The following SORT1 variants were observed in gnomAD, a reference collection of about 807,000 sequenced individuals.
SORT1 encodes sortilin 1.
A neutral mutation model predicts 101.7 loss-of-function variants in SORT1; 39 were observed. The observed-to-expected ratio is 0.38, with a 90% confidence interval of 0.30 to 0.50. SORT1 has a LOEUF of 0.50. SORT1 is among the 20% of genes least tolerant of loss of function. The probability of loss-of-function intolerance (pLI) is 0.90; values close to 1 mark genes in which losing one functional copy is unlikely to be tolerated. For synonymous variants in SORT1, 396 were observed against 393.7 expected (o/e 1.01, Z -0.07); for missense variants, 878 against 1,040.4 (o/e 0.84, Z 2.15).
At chr1:109,385,258 A>C (rs978893192) in intron 1 of SORT1, among the ~76,000 whole-genome samples, 1 of 152,080 alleles carries the variant, frequency 6.6e-6, no homozygotes, top group African/African-American at 2.4e-5. Flanking sequence ...CTAAAACATG[A>C]ATTTGGGGAG....
rs75185340 is a variant in SORT1, at chr1:109,377,506, C to T, written c.307-7917G>A. ...AGCGTTTATTCCTATGCTCTTCCAGCCAGCCAAGACACTGTTATACACTGG... is the reference window on the plus strand; with the variant it reads ...AGCGTTTATTCCTATGCTCTTCCAGTCAGCCAAGACACTGTTATACACTGG... On this transcript the variant is annotated intron_variant, in intron 1 of 19. Transcript: ENST00000256637. Among the ~76,000 whole-genome samples the T allele has an allele frequency of 4.5e-3, 686 of 152,288 alleles. 5 individuals are homozygous for T. Among genetic ancestry groups the T allele is most frequent in the African/African-American group, 0.016 (665 of 41,548 alleles).
At chr1:109,369,775 C>G (rs183875991) in intron 1 of SORT1, among the ~76,000 whole-genome samples, 186 bp from the exon 2 acceptor site, 318 of 152,164 alleles carry the variant, frequency 2.1e-3, no homozygotes, top group Non-Finnish European at 3.8e-3. Context: ...TCACAAATAA[C>G]TTGGAAATTT....
At position 109,367,384 on chromosome 1, in the gene SORT1, T is replaced by TC. The variant is rs774476499; in HGVS notation, c.440+23dup. On this transcript the variant is annotated intron_variant, in intron 3 of 19. Coordinates refer to ENST00000256637, the MANE Select transcript of SORT1 (RefSeq NM_002959.7). ...TTCTCAATGTTACTTAGTGAAATGC[T>TC]CCAACGCGTGTTATTGATCTCACCT... The TC allele has an allele frequency of 1.2e-5, 16 of 1,378,532 alleles. No individual in the cohort carries two copies. In the Admixed American group the frequency reaches 2.9e-4, roughly 25 times the overall value. The allele number at this position is 1,378,532 out of a possible 1,614,324, so 85.4% of individuals were successfully genotyped here.
At chr1:109,326,920 C>T (rs1648117401) in intron 13 of SORT1, 72 bp downstream of exon 13, 1 of 1,165,692 alleles carries the variant, frequency 8.6e-7, no homozygotes, top group Non-Finnish European at 1.2e-6. Flanking sequence ...TAACATCCCC[C>T]CAATAAACTG....
chr1:109,391,834 C>G (rs1652932593), intron 1 of SORT1, among the ~76,000 whole-genome samples: 1 of 152,210 alleles, frequency 6.6e-6, no homozygotes, highest in Non-Finnish European at 1.5e-5. Context: ...GCATACAAAT[C>G]ACTGAGACCA....
Position 109,340,861 on chromosome 1 carries a change from A to T in SORT1, c.1127T>A (p.Ile376Asn). ...DEPGDTGFGT[I>N]FTSDDRGIVY... ...AATGCCTCGATCATCTGAGGTAAAG[A>T]TTGTGCCAAACCCAGTGTCTGAAAT... is the stretch of plus-strand genomic sequence containing the variant. Residue 376 changes from isoleucine (I) to asparagine (N), a missense_variant, in exon 10 of 20, where the codon ATC becomes AAC. By Grantham distance (149) the Ile-to-Asn change is moderately radical (BLOSUM62 -3). This residue lies in a region of SORT1 where 684 missense variants were observed against 894.5 expected (regional missense o/e 0.76). Coordinates refer to ENST00000256637, the MANE Select transcript of SORT1 (RefSeq NM_002959.7). The T allele has an allele frequency of 6.2e-7, 1 of 1,612,946 alleles. No individual in the cohort carries two copies.
intron 10 of SORT1, among the ~76,000 whole-genome samples, chr1:109,339,377 A>G (rs540808662): frequency 6.6e-6 from 1 of 152,336 alleles, no homozygotes; most frequent in South Asian, 2.1e-4. Context: ...AAAAATTGTC[A>G]TAAGCACCAG....
chr1:109,327,442 G>T, intron 12 of SORT1, 57 bp downstream of exon 12: 1 of 1,102,004 alleles, frequency 9.1e-7, no homozygotes, highest in Non-Finnish European at 1.3e-6. Context: ...TGTTGGCTGA[G>T]TTTCAGTGTG....
At chr1:109,365,716 G>A (rs528279356) in intron 3 of SORT1, among the ~76,000 whole-genome samples, 3 of 152,198 alleles carry the variant, frequency 2.0e-5, no homozygotes, top group Non-Finnish European at 4.4e-5. Context: ...GCTAGATCCT[G>A]GGGACCCCAG....
At chr1:109,376,417 A>T (rs1651859857) in intron 1 of SORT1, among the ~76,000 whole-genome samples, 1 of 152,150 alleles carries the variant, frequency 6.6e-6, no homozygotes, top group Non-Finnish European at 1.5e-5. Flanking sequence ...AAAAGAAAAC[A>T]AATCATTCTA....
At chr1:109,344,493 T>G (rs1404617983) in intron 8 of SORT1, among the ~76,000 whole-genome samples, 1 of 152,134 alleles carries the variant, frequency 6.6e-6, no homozygotes. Context: ...TCGGGCATGC[T>G]CCAGTCTGAG....
intron 1 of SORT1, among the ~76,000 whole-genome samples, chr1:109,374,930 C>G (rs1430848679): frequency 6.6e-6 from 1 of 152,116 alleles, no homozygotes; most frequent in African/African-American, 2.4e-5. Flanking sequence ...CTGAACTCCA[C>G]CTGAGTGACA....
chr1:109,318,402 G>A (rs1301652402), intron 15 of SORT1, among the ~76,000 whole-genome samples: 2 of 152,054 alleles, frequency 1.3e-5, no homozygotes, highest in Non-Finnish European at 2.9e-5. Flanking sequence ...CGCCCACCTC[G>A]GCCTCCAAAA....
At chr1:109,336,547 C>T (rs988951197) in intron 10 of SORT1, among the ~76,000 whole-genome samples, 6 of 152,178 alleles carry the variant, frequency 3.9e-5, no homozygotes, top group African/African-American at 1.2e-4. Flanking sequence ...GTGGTTCATG[C>T]CTGTAATCCC....
chr1:109,365,684 C>T (rs1352195137), intron 3 of SORT1, among the ~76,000 whole-genome samples: 7 of 152,194 alleles, frequency 4.6e-5, no homozygotes, highest in Non-Finnish European at 8.8e-5. Context: ...TTGCTGCCTG[C>T]CTACTATATG....
At chr1:109,349,642 C>T (rs1649831404) in intron 6 of SORT1, among the ~76,000 whole-genome samples, 1 of 152,052 alleles carries the variant, frequency 6.6e-6, no homozygotes, top group Admixed American at 6.6e-5. Flanking sequence ...CATGGTGGCA[C>T]ATGCCTGTAG....
At chr1:109,357,529 C>A (rs1317896731) in intron 3 of SORT1, among the ~76,000 whole-genome samples, 1 of 152,198 alleles carries the variant, frequency 6.6e-6, no homozygotes, top group Non-Finnish European at 1.5e-5. Flanking sequence ...TAGTCCAATT[C>A]TCTGAACCTT....
intron 1 of SORT1, among the ~76,000 whole-genome samples, chr1:109,371,762 T>C (rs1301387818): frequency 6.6e-6 from 1 of 152,290 alleles, no homozygotes; most frequent in East Asian, 1.9e-4. Flanking sequence ...AAGAGTTCCT[T>C]TGGAAATGTA....
intron 10 of SORT1, among the ~76,000 whole-genome samples, chr1:109,337,715 C>T (rs1014372880): frequency 5.3e-5 from 8 of 152,082 alleles, no homozygotes; most frequent in Non-Finnish European, 1.2e-4. Flanking sequence ...GCAACCTCTG[C>T]CTCCCGGGTT....
Sources: allele counts gnomAD v4.1 joint callset (sites outside exome capture counted in the v4.1 genomes callset), GRCh38; gene constraint gnomAD v4.1.1; regional missense constraint gnomAD v4.1.1; transcripts MANE v1.5; gene names NCBI Gene and HGNC (gene_info 2026-07-23, HGNC 2026-07-21).